DMD: variants seen among roughly 807,000 people sequenced by gnomAD.
DMD encodes dystrophin.
Under a neutral mutation model 330.1 loss-of-function variants are expected in DMD, and 63 were observed. The observed-to-expected ratio is 0.19, with a 90% CI of 0.16 to 0.24. The LOEUF is 0.24. Ranked by LOEUF, DMD falls within the 10% of genes least tolerant of loss-of-function variation. DMD has a pLI of 1.00. For missense variants in DMD, 3,344 were observed against 2,684.1 expected, an observed-to-expected ratio of 1.25 and a Z score of -5.43; for synonymous variants, 1,223 against 959.8, an observed-to-expected ratio of 1.27 and a Z score of -5.07.
chrX:32,418,971 T>TAAAAAAA (rs1569561948), intron 29 of DMD, among the ~76,000 whole-genome samples: 2 of 18,925 alleles, frequency 1.1e-4, no homozygotes, highest in African/African-American at 8.5e-4. Flanking sequence ...AGACTCTGTC[T>TAAAAAAA]CAAAAAAAAA....
At chrX:32,740,450 A>T (rs775379182) in intron 7 of DMD, among the ~76,000 whole-genome samples, 4 of 110,716 alleles carry the variant, frequency 3.6e-5, no homozygotes, top group African/African-American at 1.3e-4. Flanking sequence ...ACCTCAGAAA[A>T]AAGGATCATA....
intron 60 of DMD, among the ~76,000 whole-genome samples, chrX:31,441,663 C>T (rs767565441): frequency 4.2e-4 from 47 of 112,039 alleles, no homozygotes; most frequent in Admixed American, 1.9e-3. Flanking sequence ...AATATGATGT[C>T]ATAATGGTGG....
chrX:32,775,206 C>G (rs1004017563), intron 7 of DMD, among the ~76,000 whole-genome samples: 5 of 112,588 alleles, frequency 4.4e-5, no homozygotes, highest in Non-Finnish European at 9.4e-5. Flanking sequence ...AGAGCACAGC[C>G]CCCATGGCTT....
chrX:33,257,496 A>C (rs1178257954), intron 1 of DMD, among the ~76,000 whole-genome samples: 1 of 111,342 alleles, frequency 9.0e-6, no homozygotes, highest in Admixed American at 9.6e-5. Context: ...CCAAGAGATT[A>C]ATTCATCCTT....
At chrX:32,434,934 C>A (rs1429299121) in intron 29 of DMD, among the ~76,000 whole-genome samples, 1 of 110,574 alleles carries the variant, frequency 9.0e-6, no homozygotes, top group East Asian at 2.9e-4. Flanking sequence ...TTTTCATTGT[C>A]AAATAACTCC....
intron 62 of DMD, among the ~76,000 whole-genome samples, chrX:31,317,116 T>C (rs183131956): frequency 1.3e-3 from 150 of 111,575 alleles, no homozygotes; most frequent in African/African-American, 4.6e-3. Flanking sequence ...AATCAGAAAA[T>C]GTTAGTACTG....
rs1385200260 is a variant in DMD, at chrX:31,528,687, A to G, written c.8218-21234T>C. ...ATGTACAATTTCATTTCCCAAAAGT[A>G]CCAGGTTCTAACATCAGGAAGAAAA... On this transcript the variant is annotated intron_variant, in intron 55 of 78. Transcript: ENST00000357033. Among the ~76,000 whole-genome samples the G allele has an allele frequency of 2.7e-5, 3 of 112,224 alleles. No individual in the cohort carries two copies. In the Admixed American group the frequency reaches 2.8e-4, roughly 11 times the overall value.
intron 1 of DMD, among the ~76,000 whole-genome samples, chrX:33,090,917 A>C (rs2095077469): frequency 9.0e-6 from 1 of 111,329 alleles, no homozygotes; most frequent in African/African-American, 3.3e-5. Context: ...AAGTAGATAA[A>C]ATATAGGTAC....
intron 60 of DMD, among the ~76,000 whole-genome samples, chrX:31,432,102 C>T (rs186444519): frequency 4.1e-4 from 46 of 111,850 alleles, no homozygotes; most frequent in African/African-American, 1.4e-3. Flanking sequence ...TGTGAGCCAC[C>T]GCACCTGGCC....
chrX:32,817,374 C>T lies in DMD; in HGVS notation c.358-734G>A, dbSNP rs958279807. 4.5e-5 allele frequency among the ~76,000 whole-genome samples: 5 copies of T among 111,930 alleles called. No individual in the cohort carries two copies. The South Asian group carries it at 1.1e-3, about 25-fold the overall frequency. On this transcript the variant is annotated intron_variant, in intron 5 of 78. Coordinates refer to ENST00000357033, the MANE Select transcript of DMD (RefSeq NM_004006.3). ...ACTTGGTTTCCATGTATTTGATTGT[C>T]TCATAGGCTTCGTGCATGTGCAGAT...
chrX:31,571,914 T>C (rs113697408), intron 55 of DMD, among the ~76,000 whole-genome samples: 1 of 111,722 alleles, frequency 9.0e-6, no homozygotes, highest in African/African-American at 3.3e-5. Context: ...CTCCCTGAAC[T>C]AGAGTCCTGG....
chrX:32,979,543 C>CAAGA (rs1200971330), intron 2 of DMD, among the ~76,000 whole-genome samples: 2 of 110,948 alleles, frequency 1.8e-5, no homozygotes, highest in South Asian at 3.8e-4. Flanking sequence ...ACCTAGAAAA[C>CAAGA]AAGAAAGCAA....
chrX:32,925,238 T>A (rs1161691807), intron 2 of DMD, among the ~76,000 whole-genome samples: 1 of 104,410 alleles, frequency 9.6e-6, no homozygotes, highest in Non-Finnish European at 2.0e-5. Context: ...GCCTATGCAG[T>A]TCTCAGTATG....
intron 55 of DMD, among the ~76,000 whole-genome samples, chrX:31,602,063 C>G (rs1159493165): frequency 9.0e-6 from 1 of 111,593 alleles, no homozygotes; most frequent in African/African-American, 3.3e-5. Flanking sequence ...ATGAGGTTTA[C>G]ACATAAATCT....
chrX:31,933,721 T>C (rs1167418729), intron 45 of DMD, among the ~76,000 whole-genome samples: 1 of 112,015 alleles, frequency 8.9e-6, no homozygotes, highest in African/African-American at 3.2e-5. Flanking sequence ...TGCCTCCAAG[T>C]ATAACCAGTA....
chrX:33,010,206 G>A (rs1189295674), intron 2 of DMD, among the ~76,000 whole-genome samples: 1 of 93,865 alleles, frequency 1.1e-5, no homozygotes, highest in Non-Finnish European at 2.0e-5. Context: ...ATGCATATGT[G>A]TGTGTATATG....
intron 2 of DMD, among the ~76,000 whole-genome samples, chrX:32,853,809 A>C (rs1175012729): frequency 9.2e-6 from 1 of 109,020 alleles, no homozygotes; most frequent in South Asian, 4.0e-4. Flanking sequence ...ACAACAACAA[A>C]CACCAAGACT....
chrX:31,759,653 TAATC>T (rs1316319221), intron 51 of DMD, among the ~76,000 whole-genome samples: 1 of 111,955 alleles, frequency 8.9e-6, no homozygotes, highest in African/African-American at 3.2e-5. Flanking sequence ...TTTTAATAAT[TAATC>T]AATATTCTAA....
intron 62 of DMD, among the ~76,000 whole-genome samples, chrX:31,308,427 C>A (rs1866008576): frequency 9.0e-6 from 1 of 111,690 alleles, no homozygotes; most frequent in South Asian, 3.8e-4. Context: ...CATCTGCTCT[C>A]AACAAACTGA....
Sources: gnomAD v4.1 joint callset for allele counts (sites outside exome capture counted in the v4.1 genomes callset) on GRCh38, gnomAD v4.1.1 for gene constraint, MANE v1.5 for transcripts, NCBI Gene and HGNC (gene_info 2026-07-23, HGNC 2026-07-21) for gene names.